Variants in FSTL5 observed in about 807,000 individuals in gnomAD.
The protein encoded by FSTL5 is follistatin-related protein 5.
In FSTL5, 62 loss-of-function variants were observed where a neutral mutation model predicts 89.1. That is an observed-to-expected ratio of 0.70 (90% CI 0.57 to 0.86). The LOEUF is 0.86. Among genes scored for constraint, FSTL5 ranks in the 40% least tolerant of loss-of-function variants. FSTL5 has a pLI of 0.00. For synonymous variants in FSTL5, 383 were observed against 346.2 expected (o/e 1.11, Z -1.18); for missense variants, 1,057 against 1,001.6 (o/e 1.06, Z -0.75).
chr4:162,011,931 T>C (rs1736780699), intron 3 of FSTL5, among the ~76,000 whole-genome samples: 1 of 152,228 alleles, frequency 6.6e-6, no homozygotes, highest in Non-Finnish European at 1.5e-5. Flanking sequence ...TCTTGTTTAT[T>C]CTGTCATTAC....
At chr4:161,422,054 T>C (rs980618109) in intron 15 of FSTL5, among the ~76,000 whole-genome samples, 1 of 152,096 alleles carries the variant, frequency 6.6e-6, no homozygotes, top group Non-Finnish European at 1.5e-5. Flanking sequence ...ATACGGCATA[T>C]ATATTTTCAT....
chr4:161,976,614 TG>T (rs1460278507), intron 3 of FSTL5, among the ~76,000 whole-genome samples: 3 of 152,098 alleles, frequency 2.0e-5, no homozygotes, highest in African/African-American at 7.2e-5. Flanking sequence ...CTCGAGTAGC[TG>T]GGACTACAGG....
At chr4:161,916,558 G>A (rs1733844905) in intron 4 of FSTL5, among the ~76,000 whole-genome samples, 1 of 152,108 alleles carries the variant, frequency 6.6e-6, no homozygotes, top group African/African-American at 2.4e-5. Context: ...TCATCACAAA[G>A]TATCTGACGC....
In FSTL5 at chr4:161,629,111, G is replaced by A. The variant is rs965271292; in HGVS notation, c.894+27217C>T. ...GTTTGCTTTGTCCCTGAAGAGCAGT[G>A]ATTTTCATGGTACACACAGGCAGCA... is the stretch of plus-strand genomic sequence containing the variant. On this transcript the variant is annotated intron_variant, in intron 7 of 15. Coordinates refer to ENST00000306100, the MANE Select transcript of FSTL5 (RefSeq NM_020116.5). Among the ~76,000 whole-genome samples the A allele has an allele frequency of 7.2e-5, 11 of 152,242 alleles. No individual in the cohort carries two copies. In the East Asian group the frequency reaches 2.1e-3, roughly 29 times the overall value.
At chr4:161,553,679 T>C (rs1029480445) in intron 8 of FSTL5, among the ~76,000 whole-genome samples, 2 of 151,632 alleles carry the variant, frequency 1.3e-5, no homozygotes, top group South Asian at 4.1e-4. Context: ...AAGTGTCTAC[T>C]GGAATTTGAC....
At chr4:161,964,209 T>C (rs17537155) in intron 3 of FSTL5, among the ~76,000 whole-genome samples, 2,128 of 152,050 alleles carry the variant, frequency 0.014, 31 homozygotes, top group South Asian at 0.046. Flanking sequence ...TGAGAGTATG[T>C]TCTGGATTGG....
intron 6 of FSTL5, among the ~76,000 whole-genome samples, chr4:161,681,313 T>C (rs1274203827): frequency 6.6e-6 from 1 of 152,114 alleles, no homozygotes; most frequent in African/African-American, 2.4e-5. Flanking sequence ...ACTGAAAAAC[T>C]GAGAAATATA....
chr4:162,026,304 C>CTTTTTGTTTTTTTTTTTTTTTTTT (rs1737282030), intron 3 of FSTL5, among the ~76,000 whole-genome samples: 1 of 79,470 alleles, frequency 1.3e-5, no homozygotes, highest in Non-Finnish European at 2.2e-5. Flanking sequence ...TATGTATTTT[C>CTTTTTGTTTTTTTTTTTTTTTTTT]TTTTTTTTTT....
At chr4:161,714,528 C>T (rs1359259666) in intron 6 of FSTL5, among the ~76,000 whole-genome samples, 1 of 152,078 alleles carries the variant, frequency 6.6e-6, no homozygotes, top group Non-Finnish European at 1.5e-5. Context: ...ATCCATTAGC[C>T]TCTATCTTGT....
chr4:161,902,567 A>T (rs1733398705), intron 4 of FSTL5, among the ~76,000 whole-genome samples: 3 of 152,028 alleles, frequency 2.0e-5, no homozygotes, highest in African/African-American at 7.2e-5. Flanking sequence ...AATAATTTCC[A>T]CCGGGCACGG....
rs572193684 is a variant in FSTL5, at chr4:161,815,260, T to G, written c.410-39186A>C. Among the ~76,000 whole-genome samples the G allele has an allele frequency of 2.6e-3, 400 of 152,156 alleles. 1 individual carries two copies. The highest frequency in any genetic ancestry group is 4.2e-3 in the Non-Finnish European group (285 of 67,922). ...TATTATAAACACTGGATACTATAAA[T>G]AGAATGGTATAAACAGCATATTGTT... On this transcript the variant is annotated intron_variant, in intron 4 of 15. Transcript: ENST00000306100.
At chr4:161,603,644 T>C (rs10434108) in intron 7 of FSTL5, among the ~76,000 whole-genome samples, 26,081 of 152,046 alleles carry the variant, frequency 0.17, 2,695 homozygotes, top group Non-Finnish European at 0.21. Context: ...ACATTTGTTT[T>C]TTTAAAATAT....
At chr4:161,569,444 G>T (rs1473443393) in intron 8 of FSTL5, among the ~76,000 whole-genome samples, 1 of 152,064 alleles carries the variant, frequency 6.6e-6, no homozygotes, top group Non-Finnish European at 1.5e-5. Flanking sequence ...TTATTTTAGA[G>T]AAATCAATTT....
chr4:161,506,604 A>T (rs1425752892), intron 11 of FSTL5, among the ~76,000 whole-genome samples: 1 of 152,050 alleles, frequency 6.6e-6, no homozygotes, highest in Non-Finnish European at 1.5e-5. Flanking sequence ...GAGGTTTTTG[A>T]ACCACACTTA....
Position 161,743,591 on chromosome 4 carries a change from T to C in FSTL5, c.727+15820A>G, listed in dbSNP as rs1740098841. Among the ~76,000 whole-genome samples the C allele has an allele frequency of 2.0e-5, 3 of 152,160 alleles. No homozygotes were observed. In the South Asian group the frequency reaches 6.2e-4, roughly 32 times the overall value. On this transcript the variant is annotated intron_variant, in intron 6 of 15. Coordinates refer to ENST00000306100, the MANE Select transcript of FSTL5 (RefSeq NM_020116.5). Reference sequence around the variant, plus strand: ...TTTTCTATTTCTGAAAAAACACTATTAGGATATTGATAGGGATTGCATTTA... The same window carrying C: ...TTTTCTATTTCTGAAAAAACACTATCAGGATATTGATAGGGATTGCATTTA...
intron 4 of FSTL5, among the ~76,000 whole-genome samples, chr4:161,804,369 C>T (rs1190177337): frequency 6.6e-6 from 1 of 151,978 alleles, no homozygotes; most frequent in East Asian, 1.9e-4. Context: ...CTGCCTACCA[C>T]AGATGTGTTC....
intron 6 of FSTL5, among the ~76,000 whole-genome samples, chr4:161,719,268 T>A (rs1739109006): frequency 6.6e-6 from 1 of 152,292 alleles, no homozygotes; most frequent in Admixed American, 6.5e-5. Flanking sequence ...ATGGTTTTAT[T>A]TCTGAGATCT....
At chr4:161,729,963 A>G (rs1739551449) in intron 6 of FSTL5, among the ~76,000 whole-genome samples, 1 of 152,208 alleles carries the variant, frequency 6.6e-6, no homozygotes, top group Admixed American at 6.5e-5. Context: ...TGTTTTAGTA[A>G]TTTATTATTA....
intron 7 of FSTL5, among the ~76,000 whole-genome samples, chr4:161,624,650 C>T (rs999107260): frequency 6.6e-6 from 1 of 151,512 alleles, no homozygotes; most frequent in Non-Finnish European, 1.5e-5. Context: ...TACTCCATTT[C>T]AAAATAGAAA....
Sources: allele counts gnomAD v4.1 joint callset (sites outside exome capture counted in the v4.1 genomes callset), GRCh38; gene constraint gnomAD v4.1.1; transcripts MANE v1.5; gene names NCBI Gene and HGNC (gene_info 2026-07-23, HGNC 2026-07-21).